Variants in NXPE2 observed in about 807,000 individuals in gnomAD.
The protein encoded by NXPE2 is NXPE family member 2.
Under a neutral mutation model 34.4 loss-of-function variants are expected in NXPE2, and 34 were observed. The observed-to-expected ratio is 0.99, with a 90% confidence interval of 0.75 to 1.31. The LOEUF (loss-of-function observed/expected upper bound fraction) is 1.31. Among genes scored for constraint, NXPE2 ranks in the 40% most tolerant of loss-of-function variants. The probability of loss-of-function intolerance (pLI) is 0.00; values close to 1 mark genes in which losing one functional copy is unlikely to be tolerated. For synonymous variants in NXPE2, 235 were observed against 231.3 expected, an observed-to-expected ratio of 1.02 and a Z score of -0.15; for missense variants, 649 against 672.5, an observed-to-expected ratio of 0.97 and a Z score of 0.39.
chr11:114,476,774 C>G, the NXPE2 span, among the ~76,000 whole-genome samples: 2 of 152,112 alleles, frequency 1.3e-5, no homozygotes, highest in Non-Finnish European at 2.9e-5. Context: ...GTTCCTTGCC[C>G]AACACCTGGA....
chr11:114,762,044 A>G, the NXPE2 span, among the ~76,000 whole-genome samples: 2 of 152,198 alleles, frequency 1.3e-5, no homozygotes, highest in Non-Finnish European at 2.9e-5. Flanking sequence ...AAGTAAATGG[A>G]CATTCCAGAG....
the NXPE2 span, chr11:114,554,313 C>G: frequency 1.0e-6 from 1 of 984,764 alleles, no homozygotes; most frequent in South Asian, 4.7e-5. Flanking sequence ...GTGTGCCATA[C>G]CTCCTCCAGG....
chr11:114,616,723 A>C, the NXPE2 span, among the ~76,000 whole-genome samples: 1 of 151,710 alleles, frequency 6.6e-6, no homozygotes, highest in African/African-American at 2.4e-5. Flanking sequence ...GTGTATAATA[A>C]GTGTTGCCTC....
At chr11:114,575,952 A>G in the NXPE2 span, among the ~76,000 whole-genome samples, 1 of 152,206 alleles carries the variant, frequency 6.6e-6, no homozygotes, top group Non-Finnish European at 1.5e-5. Flanking sequence ...TTCAAACTAT[A>G]CTATAAGGCC....
the NXPE2 span, among the ~76,000 whole-genome samples, chr11:114,801,934 A>G: frequency 6.6e-6 from 1 of 152,188 alleles, no homozygotes; most frequent in Non-Finnish European, 1.5e-5. Flanking sequence ...GGCATTGTTG[A>G]TCAGGCAGCC....
At chr11:114,522,940 A>G in the NXPE2 span, 7 of 1,613,558 alleles carry the variant, frequency 4.3e-6, no homozygotes, top group Non-Finnish European at 5.9e-6. Flanking sequence ...CCAGGAGGTA[A>G]ATGAGTTTGC....
At chr11:114,638,780 A>G in the NXPE2 span, among the ~76,000 whole-genome samples, 1 of 151,542 alleles carries the variant, frequency 6.6e-6, no homozygotes, top group African/African-American at 2.4e-5. Flanking sequence ...AGAACAGCGG[A>G]TTTTCGTGAA....
chr11:114,627,378 GA>G, the NXPE2 span, among the ~76,000 whole-genome samples: 1 of 151,908 alleles, frequency 6.6e-6, no homozygotes, highest in Non-Finnish European at 1.5e-5. Context: ...CATTCTTAAA[GA>G]GAAGAATTTT....
the NXPE2 span, among the ~76,000 whole-genome samples, chr11:114,637,823 C>T: frequency 1.2e-4 from 18 of 151,954 alleles, no homozygotes; most frequent in Non-Finnish European, 2.2e-4. Flanking sequence ...GAGTTTCTGC[C>T]AAGAGATCTG....
At chr11:114,686,272 C>T (rs535165927) in intron 2 of NXPE2, among the ~76,000 whole-genome samples, 10 of 152,180 alleles carry the variant, frequency 6.6e-5, no homozygotes, top group African/African-American at 2.4e-4. Context: ...GCCATCCTCC[C>T]TCCCTGCTTT....
At chr11:114,632,907 ATAT>A in the NXPE2 span, among the ~76,000 whole-genome samples, 14 of 63,658 alleles carry the variant, frequency 2.2e-4, no homozygotes, top group Admixed American at 5.7e-4. Flanking sequence ...ATGTAATACA[ATAT>A]TATATTTTAT....
the NXPE2 span, among the ~76,000 whole-genome samples, chr11:114,468,994 A>G: frequency 6.6e-6 from 1 of 152,204 alleles, no homozygotes; most frequent in Non-Finnish European, 1.5e-5. Flanking sequence ...TTTAACAAAA[A>G]GGCAAAATTC....
At chr11:114,557,875 G>A in the NXPE2 span, among the ~76,000 whole-genome samples, 1 of 151,316 alleles carries the variant, frequency 6.6e-6, no homozygotes, top group Non-Finnish European at 1.5e-5. Flanking sequence ...TTTCTTTTGC[G>A]GGCTATACAA....
the NXPE2 span, among the ~76,000 whole-genome samples, chr11:114,497,658 A>AACACTCTT: frequency 6.6e-6 from 1 of 152,206 alleles, no homozygotes; most frequent in Non-Finnish European, 1.5e-5. Flanking sequence ...TTTGTGTAAG[A>AACACTCTT]ACACTCTTGT....
At chr11:114,782,344 C>A in the NXPE2 span, among the ~76,000 whole-genome samples, 75 of 152,298 alleles carry the variant, frequency 4.9e-4, no homozygotes, top group African/African-American at 1.7e-3. Context: ...TGCTGCCCAG[C>A]TGAGAGGCAG....
chr11:114,484,893 A>T, the NXPE2 span, among the ~76,000 whole-genome samples: 4 of 152,228 alleles, frequency 2.6e-5, no homozygotes, highest in Non-Finnish European at 1.5e-5. Context: ...GTCACTGTTA[A>T]TAGTATTTCC....
At chr11:114,517,038 C>T in the NXPE2 span, among the ~76,000 whole-genome samples, 2 of 152,148 alleles carry the variant, frequency 1.3e-5, no homozygotes, top group African/African-American at 4.8e-5. Context: ...TCCTGTTCAG[C>T]GCTGTGTCCT....
chr11:114,646,262 ATTCTAC>A, the NXPE2 span, among the ~76,000 whole-genome samples: 1 of 151,884 alleles, frequency 6.6e-6, no homozygotes, highest in Non-Finnish European at 1.5e-5. Flanking sequence ...TGAGGGCTCT[ATTCTAC>A]TTCTAGTTTT....
chr11:114,688,472 C>A (rs1951087175), intron 2 of NXPE2, among the ~76,000 whole-genome samples: 1 of 151,992 alleles, frequency 6.6e-6, no homozygotes, highest in Admixed American at 6.6e-5. Flanking sequence ...TGATGTGCTG[C>A]TGAATTCAGT....
Sources: gnomAD v4.1 joint callset for allele counts (sites outside exome capture counted in the v4.1 genomes callset) on GRCh38, gnomAD v4.1.1 for gene constraint, MANE v1.5 for transcripts, NCBI Gene and HGNC (gene_info 2026-07-23, HGNC 2026-07-21) for gene names.